LUZP2: variants seen among roughly 807,000 people sequenced by gnomAD.
The protein encoded by LUZP2 is leucine zipper protein 2.
LUZP2 carries 52 observed loss-of-function variants against 51.6 expected under a neutral mutation model. The ratio of observed to expected loss-of-function variants is 1.01; its 90% confidence interval spans 0.81 to 1.27. The LOEUF (loss-of-function observed/expected upper bound fraction) is 1.27, where lower values mean the gene tolerates loss of function less well. Ranked by LOEUF, LUZP2 falls within the 50% of genes most tolerant of loss-of-function variation. The pLI is 0.00. For synonymous variants in LUZP2, 154 were observed against 137.3 expected (o/e 1.12, Z -0.85); for missense variants, 436 against 395.4 (o/e 1.10, Z -0.87).
At chr11:24,833,600 G>A (rs1461108983) in intron 5 of LUZP2, among the ~76,000 whole-genome samples, 4 of 152,046 alleles carry the variant, frequency 2.6e-5, no homozygotes, top group Admixed American at 2.6e-4. Flanking sequence ...ATTAAAAAGT[G>A]CTCATTTTTG....
intron 7 of LUZP2, among the ~76,000 whole-genome samples, chr11:24,959,785 T>C (rs1590775735): frequency 6.6e-6 from 1 of 152,188 alleles, no homozygotes; most frequent in South Asian, 2.1e-4. Flanking sequence ...CTTCCAATAC[T>C]ATGTTGAATA....
At chr11:24,924,169 C>A (rs1439982077) in intron 7 of LUZP2, among the ~76,000 whole-genome samples, 1 of 151,842 alleles carries the variant, frequency 6.6e-6, no homozygotes, top group African/African-American at 2.4e-5. Flanking sequence ...CCTCTGCCTC[C>A]CGCGTTCAAG....
chr11:24,580,132 G>A (rs1852796726), intron 1 of LUZP2, among the ~76,000 whole-genome samples: 1 of 152,166 alleles, frequency 6.6e-6, no homozygotes, highest in South Asian at 2.1e-4. Flanking sequence ...GATATCCCTA[G>A]TTCCCTGATG....
In LUZP2 at chr11:24,841,440, A is replaced by G. The variant is rs529996708; in HGVS notation, c.397-64551A>G. 9.2e-5 allele frequency among the ~76,000 whole-genome samples: 14 copies of G among 152,212 alleles called. No individual in the cohort carries two copies. In the East Asian group the frequency reaches 2.7e-3, roughly 29 times the overall value. On this transcript the variant is annotated intron_variant, in intron 5 of 11. Transcript: ENST00000336930. Reference sequence around the variant, plus strand: ...TTGTTACACCAGCCCAAACTAGGTCAGGTGGTAAGGGTCTTTGTATGGAGC... The same window carrying G: ...TTGTTACACCAGCCCAAACTAGGTCGGGTGGTAAGGGTCTTTGTATGGAGC...
chr11:24,645,883 A>G (rs1855446687), intron 1 of LUZP2, among the ~76,000 whole-genome samples: 1 of 151,742 alleles, frequency 6.6e-6, no homozygotes, highest in African/African-American at 2.4e-5. Flanking sequence ...AATAAAATGT[A>G]CATAAAATCT....
chr11:25,040,183 A>G (rs1261951246), intron 9 of LUZP2, among the ~76,000 whole-genome samples: 2 of 152,150 alleles, frequency 1.3e-5, no homozygotes, highest in African/African-American at 2.4e-5. Context: ...CATGCTCCAA[A>G]CAGAACTTGA....
At chr11:24,512,205 T>G (rs1021553191) in intron 1 of LUZP2, among the ~76,000 whole-genome samples, 22 of 152,226 alleles carry the variant, frequency 1.4e-4, no homozygotes, top group African/African-American at 5.3e-4. Context: ...GAATGTGGAA[T>G]GTGGTGGTTG....
At chr11:24,862,406 T>G (rs982633943) in intron 5 of LUZP2, among the ~76,000 whole-genome samples, 4 of 152,106 alleles carry the variant, frequency 2.6e-5, no homozygotes, top group Non-Finnish European at 5.9e-5. Context: ...AAGCACTTAA[T>G]ATGGAAAGAA....
intron 7 of LUZP2, among the ~76,000 whole-genome samples, chr11:24,966,200 A>T (rs1009022961): frequency 5.3e-5 from 8 of 151,766 alleles, no homozygotes; most frequent in South Asian, 4.1e-4. Context: ...ACCAATTTTT[A>T]AAAAATGTGG....
intron 1 of LUZP2, among the ~76,000 whole-genome samples, chr11:24,637,783 A>G (rs577241630): frequency 3.3e-5 from 5 of 151,878 alleles, no homozygotes; most frequent in Admixed American, 6.5e-5. Context: ...GAAGATGTTT[A>G]TCAAGACAAT....
chr11:24,665,914 C>T lies in LUZP2; in HGVS notation c.63-63255C>T, dbSNP rs547239364. ...TCATTATAGTCTTATCATTTGTTAG[C>T]TCGTTTGTTTCCATTTTTTTTACTA... is the stretch of plus-strand genomic sequence containing the variant. On this transcript the variant is annotated intron_variant, in intron 1 of 11. Coordinates refer to ENST00000336930, the MANE Select transcript of LUZP2 (RefSeq NM_001009909.4). 2.6e-5 allele frequency among the ~76,000 whole-genome samples: 4 copies of T among 152,064 alleles called. No homozygotes were observed. In the South Asian group the frequency reaches 8.3e-4, roughly 32 times the overall value.
intron 1 of LUZP2, among the ~76,000 whole-genome samples, chr11:24,527,567 T>TCACACA (rs1554948856): frequency 0.16 from 21,050 of 131,236 alleles, 1,670 homozygotes; most frequent in Middle Eastern, 0.26. Context: ...TCTCTCTCTC[T>TCACACA]CACACACACA....
In LUZP2 at chr11:25,057,606, T is replaced by C. The variant is rs377026672; in HGVS notation, c.858+7476T>C. Among the ~76,000 whole-genome samples, 9 of 152,312 alleles carry C rather than the reference T, an allele frequency of 5.9e-5. No individual in the cohort carries two copies. The East Asian group carries it at 9.7e-4, about 16-fold the overall frequency. Reference sequence around the variant, plus strand: ...AGAATTAAAGACATTGAACATTGTATTTTAATTTTCATTTAGGAATTAAGA... The same window carrying C: ...AGAATTAAAGACATTGAACATTGTACTTTAATTTTCATTTAGGAATTAAGA... On this transcript the variant is annotated intron_variant, in intron 10 of 11. Coordinates refer to ENST00000336930, the MANE Select transcript of LUZP2 (RefSeq NM_001009909.4).
At chr11:24,886,087 T>G (rs1314825967) in intron 5 of LUZP2, among the ~76,000 whole-genome samples, 1 of 152,218 alleles carries the variant, frequency 6.6e-6, no homozygotes, top group Non-Finnish European at 1.5e-5. Flanking sequence ...TATTCATGTG[T>G]GTTCAATTCT....
At chr11:24,819,130 T>C (rs1850280181) in intron 5 of LUZP2, among the ~76,000 whole-genome samples, 1 of 151,948 alleles carries the variant, frequency 6.6e-6, no homozygotes, top group African/African-American at 2.4e-5. Context: ...TGTTTGTTAC[T>C]GAGAAGAAAA....
chr11:24,603,799 T>A (rs1853823280), intron 1 of LUZP2, among the ~76,000 whole-genome samples: 1 of 151,780 alleles, frequency 6.6e-6, no homozygotes, highest in Admixed American at 6.6e-5. Flanking sequence ...TTACATGATT[T>A]GTATAAAACC....
At chr11:24,577,958 G>A (rs1852712595) in intron 1 of LUZP2, among the ~76,000 whole-genome samples, 1 of 152,116 alleles carries the variant, frequency 6.6e-6, no homozygotes, top group Non-Finnish European at 1.5e-5. Flanking sequence ...GGCCCACGAT[G>A]ATGGCTTCAT....
At chr11:24,636,637 G>A (rs111651603) in intron 1 of LUZP2, among the ~76,000 whole-genome samples, 8 of 152,080 alleles carry the variant, frequency 5.3e-5, no homozygotes, top group African/African-American at 1.7e-4. Flanking sequence ...TTCTACATTG[G>A]CACAACTAAC....
chr11:24,864,062 A>C (rs886431677), intron 5 of LUZP2, among the ~76,000 whole-genome samples: 1 of 152,204 alleles, frequency 6.6e-6, no homozygotes, highest in Non-Finnish European at 1.5e-5. Context: ...GTATCAGAAA[A>C]TAATGATTTC....
Sources: allele counts gnomAD v4.1 joint callset (sites outside exome capture counted in the v4.1 genomes callset), GRCh38; gene constraint gnomAD v4.1.1; transcripts MANE v1.5; gene names NCBI Gene and HGNC (gene_info 2026-07-23, HGNC 2026-07-21).